The following TUBGCP6 variants were observed in gnomAD, a reference collection of about 807,000 sequenced individuals.
The protein encoded by TUBGCP6 is tubulin gamma complex component 6.
Under a neutral mutation model 175.8 loss-of-function variants are expected in TUBGCP6, and 161 were observed. That is an observed-to-expected ratio of 0.92 (90% confidence interval 0.81 to 1.04). The LOEUF is 1.04. TUBGCP6 is among the 50% of genes least tolerant of loss of function. The pLI is 0.00. For synonymous variants in TUBGCP6, 1,173 were observed against 1,030.5 expected, an observed-to-expected ratio of 1.14 and a Z score of -2.65; for missense variants, 2,572 against 2,433.0, an observed-to-expected ratio of 1.06 and a Z score of -1.20.
chr22:50,228,577 G>A (rs1336650912), intron 4 of TUBGCP6, among the ~76,000 whole-genome samples: 1 of 152,120 alleles, frequency 6.6e-6, no homozygotes, highest in Non-Finnish European at 1.5e-5. Context: ...GGAGCCGCCT[G>A]GCTATGCCTG....
In TUBGCP6 at chr22:50,244,412, C is replaced by T. The variant is rs766695902; in HGVS notation, c.48G>A (p.Leu16=). 6.2e-7 allele frequency: 1 copy of T among 1,613,088 alleles called. No homozygotes were observed. The highest frequency in any genetic ancestry group is 8.5e-7 in the Non-Finnish European group (1 of 1,179,986). ...GGCCCAGGTGAGTCTTGGCAGCCGGCAGGAGGGCCTCACACAGGTCGTCGA... is the reference window on the plus strand; with the variant it reads ...GGCCCAGGTGAGTCTTGGCAGCCGGTAGGAGGGCCTCACACAGGTCGTCGA... The part of the protein sequence containing the change: ...QLFDDLCEAL[L]PAAKTHLGQR... The change falls in exon 1 of 25, where the codon CTG becomes CTA. Residue 16 remains leucine (L), a synonymous_variant. Coordinates refer to ENST00000248846, the MANE Select transcript of TUBGCP6 (RefSeq NM_020461.4).
At chr22:50,222,233 A>G (rs1250475443) in intron 14 of TUBGCP6, 131 bp from the exon 15 acceptor site, 3 of 1,185,926 alleles carry the variant, frequency 2.5e-6, no homozygotes, top group Non-Finnish European at 3.6e-6. Context: ...GCTGGGCTCC[A>G]GTGGGACGCT....
rs977199763 is a variant in TUBGCP6 at position 50,218,512 on chromosome 22, C to T, written c.4930G>A (p.Val1644Ile). 1.9e-6 allele frequency: 3 copies of T among 1,613,658 alleles called. No individual in the cohort carries two copies. The highest frequency in any genetic ancestry group is 2.5e-6 in the Non-Finnish European group (3 of 1,179,964). Residue 1644 changes from valine to isoleucine, a missense_variant, in exon 22 of 25, where the codon GTC becomes ATC. Coordinates refer to ENST00000248846, the MANE Select transcript of TUBGCP6 (RefSeq NM_020461.4). ...LKLMMWALKD[V>I]CFHLKRTALL... is the part of the protein sequence containing the mutation. ...CCTGTGCGCTTGAGGTGGAAGCAGA[C>T]GTCCTTGAGCGCCCACATCATGAGC...
At chr22:50,222,399 TTTCCAGACCCCCAAA>T in intron 14 of TUBGCP6, 40 bp downstream of exon 14, 1 of 1,605,124 alleles carries the variant, frequency 6.2e-7, no homozygotes, top group Non-Finnish European at 8.5e-7. Flanking sequence ...TCTCAGGGGG[TTTCCAGACCCCCAAA>T]GCCCAGGGGA....
chr22:50,218,370 A>G lies in TUBGCP6; in HGVS notation c.4987T>C (p.Phe1663Leu). 1 of 1,613,044 alleles carries G rather than the reference A, an allele frequency of 6.2e-7. No homozygotes were observed. The highest frequency in any genetic ancestry group is 1.1e-5 in the South Asian group (1 of 91,088). ...TGCTTGAACAGCTGCAGCTGACGGA[A>G]CTGCACAGAGCCGGCCATGTGGCTC... ...LLSHMAGSVQFRQLQLFKHEM... is the reference protein window; with the variant it reads ...LLSHMAGSVQLRQLQLFKHEM... Residue 1663 changes from phenylalanine to leucine, a missense_variant, in exon 23 of 25, where the codon TTC becomes CTC. By Grantham distance (22) the Phe-to-Leu change is conservative. Transcript: ENST00000248846.
In TUBGCP6 at chr22:50,220,740, G is replaced by C; in HGVS notation, c.3619C>G (p.Pro1207Ala). The change falls in exon 16 of 25, where the codon CCC becomes GCC. Residue 1207 changes from proline to alanine, a missense_variant. Transcript: ENST00000248846. Reference protein sequence around the residue: ...SLGESVSDMAPTRPRWNTHGH... With the variant: ...SLGESVSDMAATRPRWNTHGH... Reference sequence around the variant, plus strand: ...TGGGTGTTCCACCGTGGCCGGGTGGGAGCCATGTCTGACACAGACTCCCCC... The same window carrying C: ...TGGGTGTTCCACCGTGGCCGGGTGGCAGCCATGTCTGACACAGACTCCCCC... The C allele has an allele frequency of 6.2e-7, 1 of 1,606,964 alleles. No homozygotes were observed. The highest frequency in any genetic ancestry group is 8.5e-7 in the Non-Finnish European group (1 of 1,178,024).
intron 2 of TUBGCP6, among the ~76,000 whole-genome samples, chr22:50,238,593 A>G (rs76617415): frequency 0.024 from 3,500 of 143,760 alleles, 88 homozygotes; most frequent in East Asian, 0.13. Flanking sequence ...GCTGGAGTGC[A>G]GTGGCGCAAT....
intron 3 of TUBGCP6, among the ~76,000 whole-genome samples, chr22:50,231,265 T>A (rs533932542): frequency 1.3e-5 from 2 of 150,762 alleles, no homozygotes; most frequent in East Asian, 4.0e-4. Flanking sequence ...ACCAGCCTGG[T>A]CAACATGGTG....
intron 10 of TUBGCP6, among the ~76,000 whole-genome samples, chr22:50,225,059 G>A (rs919796593): frequency 4.2e-4 from 44 of 104,382 alleles, no homozygotes; most frequent in African/African-American, 1.3e-3. Flanking sequence ...CCGCCCCCCC[G>A]CCCACCCTCC....
rs1290874190 is a variant in TUBGCP6, at chr22:50,234,331, A to ACGGCAGCATCCACACCCAGGTACACGG, written c.906-806_906-805insCCGTGTACCTGGGTGTGGATGCTGCCG. On this transcript the variant is annotated intron_variant, in intron 2 of 24. Coordinates refer to ENST00000248846, the MANE Select transcript of TUBGCP6 (RefSeq NM_020461.4). ...GGCAGCATCATCCACACCCCTGTCCACAGCAGCATCCACACCCCTGTCCAC... is the reference window on the plus strand; with the variant it reads ...GGCAGCATCATCCACACCCCTGTCCACGGCAGCATCCACACCCAGGTACACGGCAGCAGCATCCACACCCCTGTCCAC... 2.0e-3 allele frequency among the ~76,000 whole-genome samples: 12 copies of ACGGCAGCATCCACACCCAGGTACACGG among 6,058 alleles called. 1 individual carries two copies. The highest frequency in any genetic ancestry group is 3.2e-3 in the Non-Finnish European group (10 of 3,132). The allele number at this position is 6,058 out of a possible 152,430, so 4.0% of individuals were successfully genotyped here.
In TUBGCP6 at chr22:50,222,342, G is replaced by A. The variant is rs2294403; in HGVS notation, c.2409+112C>T. The A allele has an allele frequency of 4.3e-3, 6,392 of 1,500,794 alleles. 295 individuals are homozygous for A. The Admixed American group carries it at 0.088, about 21-fold the overall frequency. 93.0% of individuals were successfully genotyped at this position (1,500,794 alleles called of 1,614,324 possible). A position where few individuals can be genotyped will look rare whatever the true frequency, so the allele number is the denominator to read the frequency against. On this transcript the variant is annotated intron_variant, in intron 14 of 24. Transcript: ENST00000248846. ...AGAGAGAGTGCTCTGCCGCAAACGC[G>A]AAAGCCACCAGCCCTCTCCTAGAAG...
chr22:50,224,530 C>T lies in TUBGCP6; in HGVS notation c.2046G>A (p.Arg682=), dbSNP rs140814808. The T allele has an allele frequency of 6.4e-5, 103 of 1,614,156 alleles. 1 individual carries two copies. The East Asian group carries it at 2.0e-3, about 32-fold the overall frequency. The part of the protein sequence containing the change: ...LIAHAREAAS[R]VLSALSDRQM... The stretch of plus-strand genomic sequence containing the variant: ...ACTCACCACTCAGTGCACTCAGGAC[C>T]CTGGATGCTGCTTCCCGGGCATGAG... Residue 682 remains arginine (R), a synonymous_variant, in exon 11 of 25, where the codon AGG becomes AGA. Transcript: ENST00000248846.
At chr22:50,236,643 G>C (rs1053812441) in intron 2 of TUBGCP6, among the ~76,000 whole-genome samples, 5 of 152,222 alleles carry the variant, frequency 3.3e-5, no homozygotes, top group African/African-American at 1.2e-4. Context: ...CTGCTATGAA[G>C]AGGGTGGGCT....
At chr22:50,237,593 C>G (rs918508870) in intron 2 of TUBGCP6, among the ~76,000 whole-genome samples, 5 of 152,208 alleles carry the variant, frequency 3.3e-5, no homozygotes, top group Non-Finnish European at 5.9e-5. Context: ...AAAGTCCCTA[C>G]AGGAGCTGCC....
intron 13 of TUBGCP6, chr22:50,223,355 G>T (rs1337740221): frequency 6.6e-6 from 1 of 152,374 alleles, no homozygotes; most frequent in Non-Finnish European, 1.5e-5. Flanking sequence ...CCTCCCGTGA[G>T]GGGCTCTCTC....
intron 3 of TUBGCP6, among the ~76,000 whole-genome samples, chr22:50,232,692 T>G (rs2147199685): frequency 6.6e-6 from 1 of 152,390 alleles, no homozygotes; most frequent in East Asian, 1.9e-4. Context: ...GGTGAGCACT[T>G]TTCTGGGGCA....
chr22:50,241,257 C>T (rs1272945767), intron 1 of TUBGCP6, among the ~76,000 whole-genome samples: 1 of 152,204 alleles, frequency 6.6e-6, no homozygotes, highest in Admixed American at 6.5e-5. Flanking sequence ...TGTGAGCCTT[C>T]TGTCATGCCC....
chr22:50,218,652 ACAGG>A (rs770082911), intron 21 of TUBGCP6, 32 bp from the exon 22 acceptor site: 1 of 1,613,650 alleles, frequency 6.2e-7, no homozygotes, highest in East Asian at 2.2e-5. Flanking sequence ...CAGGCATCCC[ACAGG>A]CAGGCAGGCC....
Position 50,244,120 on chromosome 22 carries a change from G to C in TUBGCP6, c.340C>G (p.Leu114Val). Reference sequence around the variant, plus strand: ...GGACCACTCCCTGCCAGCTGAACCAGGAGGTCCAAAACAGACCCCACCTCC... The same window carrying C: ...GGACCACTCCCTGCCAGCTGAACCACGAGGTCCAAAACAGACCCCACCTCC... The part of the protein sequence containing the change: ...LLEVGSVLDL[L>V]VQLAGSGPPQ... The change falls in exon 1 of 25, where the codon CTG (leucine) becomes GTG (valine). Residue 114 changes from leucine (L) to valine (V), a missense_variant. Physicochemically the swap from Leu to Val is conservative, Grantham distance 32. Coordinates refer to ENST00000248846, the MANE Select transcript of TUBGCP6 (RefSeq NM_020461.4). The C allele has an allele frequency of 6.2e-7, 1 of 1,613,616 alleles. No homozygotes were observed. Among genetic ancestry groups the C allele is most frequent in the Non-Finnish European group, 8.5e-7 (1 of 1,180,034 alleles).
Sources: allele counts gnomAD v4.1 joint callset (sites outside exome capture counted in the v4.1 genomes callset), GRCh38; gene constraint gnomAD v4.1.1; transcripts MANE v1.5; gene names NCBI Gene and HGNC (gene_info 2026-07-23, HGNC 2026-07-21).